Variants in TRIO observed in about 807,000 individuals in gnomAD.
TRIO encodes the protein trio Rho guanine nucleotide exchange factor, also known as triple functional domain protein.
TRIO carries 58 observed loss-of-function variants against 351.9 expected under a neutral mutation model. The observed-to-expected ratio is 0.16, with a 90% confidence interval of 0.13 to 0.21. The LOEUF is 0.21. Among genes scored for constraint, TRIO ranks in the 10% least tolerant of loss-of-function variants. The pLI is 1.00. For synonymous variants in TRIO, 1,758 were observed against 1,595.7 expected (o/e 1.10, Z -2.42); for missense variants, 3,201 against 4,027.8 (o/e 0.79, Z 5.56).
chr5:14,191,368 G>A (rs1419555967), intron 1 of TRIO, among the ~76,000 whole-genome samples: 1 of 152,088 alleles, frequency 6.6e-6, no homozygotes, highest in Non-Finnish European at 1.5e-5. Flanking sequence ...GAGGCAGGAG[G>A]ATTGCTTGGG....
chr5:14,311,587 C>A (rs571802052), intron 8 of TRIO, among the ~76,000 whole-genome samples: 1 of 152,184 alleles, frequency 6.6e-6, no homozygotes, highest in Non-Finnish European at 1.5e-5. Context: ...GATTGTTTGG[C>A]CAAGGAATGT....
chr5:14,505,973 G>C (rs113891581), intron 55 of TRIO, among the ~76,000 whole-genome samples: 1 of 152,188 alleles, frequency 6.6e-6, no homozygotes, highest in Non-Finnish European at 1.5e-5. Flanking sequence ...TCTCACCCTG[G>C]TGTCCTTAAA....
chr5:14,344,693 A>G (rs1193793653), intron 11 of TRIO, among the ~76,000 whole-genome samples: 1 of 152,242 alleles, frequency 6.6e-6, no homozygotes, highest in East Asian at 1.9e-4. Flanking sequence ...ATCTAGGTAT[A>G]ATGTTGTCTC....
At chr5:14,146,909 C>A (rs1490996195) in intron 1 of TRIO, among the ~76,000 whole-genome samples, 2 of 152,224 alleles carry the variant, frequency 1.3e-5, no homozygotes, top group East Asian at 1.9e-4. Context: ...GTTCTCTGCT[C>A]AGGACCTTGG....
At chr5:14,309,359 C>G (rs530124874) in intron 8 of TRIO, among the ~76,000 whole-genome samples, 187 of 152,288 alleles carry the variant, frequency 1.2e-3, no homozygotes, top group Middle Eastern at 3.4e-3. Context: ...CCTCCAACTC[C>G]TACCACCCAC....
In TRIO at chr5:14,400,950, T is replaced by C. The variant is rs774253756; in HGVS notation, c.4615-13T>C. The C allele has an allele frequency of 6.2e-7, 1 of 1,612,288 alleles. No homozygotes were observed. Among genetic ancestry groups the C allele is most frequent in the African/African-American group, 1.3e-5 (1 of 74,882 alleles). On this transcript the variant is annotated splice_polypyrimidine_tract_variant and intron_variant, in intron 30 of 56. Coordinates refer to ENST00000344204, the MANE Select transcript of TRIO (RefSeq NM_007118.4). ...TTACTGTCACCTAATTATATAATTG[T>C]CTTTTTATCCAGACCTCAGAGTTGG... is the stretch of plus-strand genomic sequence containing the variant.
At chr5:14,195,480 T>A (rs1790716852) in intron 1 of TRIO, among the ~76,000 whole-genome samples, 1 of 152,226 alleles carries the variant, frequency 6.6e-6, no homozygotes, top group Non-Finnish European at 1.5e-5. Flanking sequence ...CATTGTCAAA[T>A]TGATAACTTT....
chr5:14,458,140 T>G lies in TRIO; in HGVS notation c.5204-2879T>G, dbSNP rs192750422. 2.7e-5 allele frequency among the ~76,000 whole-genome samples: 4 copies of G among 149,942 alleles called. No homozygotes were observed. In the East Asian group the frequency reaches 8.1e-4, roughly 30 times the overall value. ...CAGGCATCCGGGCTGTCTCCCGACC[T>G]CCCCACGGGCCACACTCATAGTTCC... On this transcript the variant is annotated intron_variant, in intron 34 of 56. Transcript: ENST00000344204.
intron 1 of TRIO, among the ~76,000 whole-genome samples, chr5:14,212,322 G>C (rs576241095): frequency 6.6e-6 from 1 of 152,160 alleles, no homozygotes; most frequent in East Asian, 1.9e-4. Context: ...ATGTTGATTT[G>C]GTGCCTGGGC....
In TRIO at chr5:14,508,728, A is replaced by C. The variant is rs1354232454; in HGVS notation, c.*306A>C. 1.4e-5 allele frequency: 4 copies of C among 282,310 alleles called. No individual in the cohort carries two copies. The highest frequency in any genetic ancestry group is 2.6e-5 in the Non-Finnish European group (4 of 151,216). 17.5% of individuals were successfully genotyped at this position (282,310 alleles called of 1,614,324 possible). ...AAACAAACATGAATAGAATTTTGCA[A>C]ATTTAACGTTTTCAAGATTTATTCA... is the stretch of plus-strand genomic sequence containing the variant. On this transcript the variant is annotated 3_prime_UTR_variant, in exon 57 of 57. Coordinates refer to ENST00000344204, the MANE Select transcript of TRIO (RefSeq NM_007118.4).
chr5:14,457,333 C>T (rs898443826), intron 34 of TRIO, among the ~76,000 whole-genome samples: 2 of 138,982 alleles, frequency 1.4e-5, no homozygotes, highest in African/African-American at 5.2e-5. Flanking sequence ...TGCATTTAAT[C>T]TGTGGCACCG....
In TRIO at chr5:14,485,049, A is replaced by G. The variant is rs1755817696; in HGVS notation, c.6658-20A>G. On this transcript the variant is annotated intron_variant, in intron 46 of 56. Coordinates refer to ENST00000344204, the MANE Select transcript of TRIO (RefSeq NM_007118.4). ...TTTCCACCTGTTAGCTATTATGAAT[A>G]ATGTTTTTTTTTTTTTAAGGTGAGT... 1 of 1,510,328 alleles carries G rather than the reference A, an allele frequency of 6.6e-7. No homozygotes were observed. Among genetic ancestry groups the G allele is most frequent in the Non-Finnish European group, 9.0e-7 (1 of 1,116,256 alleles). The allele number at this position is 1,510,328 out of a possible 1,614,324, so 93.6% of individuals were successfully genotyped here.
At chr5:14,169,188 T>A (rs959430921) in intron 1 of TRIO, among the ~76,000 whole-genome samples, 3 of 139,740 alleles carry the variant, frequency 2.1e-5, no homozygotes, top group African/African-American at 5.6e-5. Context: ...TAATGGGCAA[T>A]AAAACTGCCT....
intron 1 of TRIO, among the ~76,000 whole-genome samples, chr5:14,233,088 G>A (rs1793549962): frequency 6.6e-6 from 1 of 152,120 alleles, no homozygotes; most frequent in South Asian, 2.1e-4. Flanking sequence ...GTGGTGGGGT[G>A]TAAGGTTCAT....
At chr5:14,301,819 G>A (rs770675139) in intron 7 of TRIO, among the ~76,000 whole-genome samples, 3 of 152,134 alleles carry the variant, frequency 2.0e-5, no homozygotes, top group Non-Finnish European at 4.4e-5. Flanking sequence ...CCCTCTGGGC[G>A]TTCAGCCTTT....
Position 14,225,796 on chromosome 5 carries a change from C to CA in TRIO, c.158-45029_158-45028insA, listed in dbSNP as rs902230961. 1.9e-4 allele frequency among the ~76,000 whole-genome samples: 25 copies of CA among 131,266 alleles called. 2 individuals are homozygous for CA. The highest frequency in any genetic ancestry group is 5.3e-4 in the South Asian group (2 of 3,790). 86.1% of individuals were successfully genotyped at this position (131,266 alleles called of 152,430 possible). A position where few individuals can be genotyped will look rare whatever the true frequency, so the allele number is the denominator to read the frequency against. Reference sequence around the variant, plus strand: ...CCCATCATATTCACTGCTCCCACCCCCCCCCCCACCTCCAAGCCCAAAAGG... The same window carrying CA: ...CCCATCATATTCACTGCTCCCACCCCACCCCCCCACCTCCAAGCCCAAAAGG... On this transcript the variant is annotated intron_variant, in intron 1 of 56. Transcript: ENST00000344204.
At chr5:14,248,099 C>T (rs1215218772) in intron 1 of TRIO, among the ~76,000 whole-genome samples, 1 of 151,304 alleles carries the variant, frequency 6.6e-6, no homozygotes, top group East Asian at 1.9e-4. Flanking sequence ...TAGACCACTG[C>T]CCCTTCTTTG....
intron 1 of TRIO, among the ~76,000 whole-genome samples, chr5:14,149,107 A>C (rs542770590): frequency 6.6e-6 from 1 of 152,292 alleles, no homozygotes; most frequent in East Asian, 1.9e-4. Context: ...AAGGGAGCAT[A>C]GAGGAGTGGT....
At chr5:14,365,395 A>C (rs1420461458) in intron 15 of TRIO, among the ~76,000 whole-genome samples, 1 of 152,180 alleles carries the variant, frequency 6.6e-6, no homozygotes, top group Non-Finnish European at 1.5e-5. Context: ...AGAGAAAGCA[A>C]ACAGAAAGTA....
Sources: gnomAD v4.1 joint callset for allele counts (sites outside exome capture counted in the v4.1 genomes callset) on GRCh38, gnomAD v4.1.1 for gene constraint, MANE v1.5 for transcripts, NCBI Gene and HGNC (gene_info 2026-07-23, HGNC 2026-07-21) for gene names.